Variants in WWOX observed in about 807,000 individuals in gnomAD.
WWOX encodes the protein WW domain containing oxidoreductase, also known as WW domain-containing oxidoreductase.
WWOX carries 69 observed loss-of-function variants against 46.2 expected under a neutral mutation model. The ratio of observed to expected loss-of-function variants is 1.49; its 90% CI spans 1.23 to 1.82. WWOX has a LOEUF of 1.82. WWOX is among the 40% of genes most tolerant of loss of function. The pLI, the probability that WWOX is intolerant of heterozygous loss-of-function variation, is 0.00. For missense variants in WWOX, 919 were observed against 542.6 expected (o/e 1.69, Z -6.89); for synonymous variants, 359 against 202.6 (o/e 1.77, Z -6.56).
At chr16:79,210,027 T>TAAGTTC (rs1181871889) in intron 8 of WWOX, among the ~76,000 whole-genome samples, 7 of 152,286 alleles carry the variant, frequency 4.6e-5, no homozygotes, top group Non-Finnish European at 8.8e-5. Context: ...CAGCTACTAT[T>TAAGTTC]AAGTTCAAGT....
intron 8 of WWOX, among the ~76,000 whole-genome samples, chr16:78,580,255 G>A (rs1009518673): frequency 1.3e-5 from 2 of 151,954 alleles, no homozygotes; most frequent in African/African-American, 2.4e-5. Context: ...TGTATTTTTA[G>A]TAGAGATGGG....
At chr16:78,756,473 G>C (rs2049650051) in intron 8 of WWOX, among the ~76,000 whole-genome samples, 1 of 152,138 alleles carries the variant, frequency 6.6e-6, no homozygotes, top group Admixed American at 6.5e-5. Context: ...TTAGGCAATA[G>C]TTTACCTTAG....
At chr16:79,053,143 A>T (rs567655607) in intron 8 of WWOX, among the ~76,000 whole-genome samples, 2 of 152,194 alleles carry the variant, frequency 1.3e-5, no homozygotes, top group African/African-American at 4.8e-5. Context: ...CATGAACTCA[A>T]CGCTTTTAGG....
intron 8 of WWOX, among the ~76,000 whole-genome samples, chr16:78,993,268 G>T (rs759541848): frequency 1.3e-5 from 2 of 152,024 alleles, no homozygotes; most frequent in East Asian, 3.9e-4. Flanking sequence ...ATTTGGGGGT[G>T]GGGGGAGGTT....
chr16:79,085,345 TATGAGGTTGAAGTGGACAG>T (rs2048835246), intron 8 of WWOX, among the ~76,000 whole-genome samples: 1 of 152,168 alleles, frequency 6.6e-6, no homozygotes, highest in African/African-American at 2.4e-5. Flanking sequence ...AAGAAAATGA[TATGAGGTTGAAGTGGACAG>T]ATGATGCTTT....
At chr16:79,179,385 AC>A (rs1342669314) in intron 8 of WWOX, among the ~76,000 whole-genome samples, 2 of 152,190 alleles carry the variant, frequency 1.3e-5, no homozygotes, top group African/African-American at 4.8e-5. Context: ...TCTTGGGTAC[AC>A]TTTCCACCCT....
intron 8 of WWOX, among the ~76,000 whole-genome samples, chr16:79,144,691 A>T (rs1278546602): frequency 1.3e-5 from 2 of 152,122 alleles, no homozygotes; most frequent in African/African-American, 4.8e-5. Flanking sequence ...TTCTTATATA[A>T]ATTTTATTGA....
Position 78,367,855 on chromosome 16 carries a change from C to G in WWOX, c.517-19005C>G, listed in dbSNP as rs553606456. 5.3e-5 allele frequency among the ~76,000 whole-genome samples: 8 copies of G among 152,144 alleles called. No individual in the cohort carries two copies. The East Asian group carries it at 1.4e-3, about 26-fold the overall frequency. ...CACTGCAACCTCTGCCTCCCGAGTT[C>G]AAGCTATTCTTCTGTCTCAGCCTCC... On this transcript the variant is annotated intron_variant, in intron 5 of 8. Coordinates refer to ENST00000566780, the MANE Select transcript of WWOX (RefSeq NM_016373.4).
chr16:78,982,845 C>T (rs1348844953), intron 8 of WWOX, among the ~76,000 whole-genome samples: 1 of 152,066 alleles, frequency 6.6e-6, no homozygotes, highest in Non-Finnish European at 1.5e-5. Context: ...CCTCTTTATC[C>T]TTCCTGTGAT....
At chr16:78,704,658 T>C (rs9922881) in intron 8 of WWOX, among the ~76,000 whole-genome samples, 2,552 of 152,276 alleles carry the variant, frequency 0.017, 74 homozygotes, top group African/African-American at 0.058. Context: ...AAGGGTATCT[T>C]TACTGTGAAA....
chr16:78,766,108 G>A (rs917136492), intron 8 of WWOX, among the ~76,000 whole-genome samples: 1 of 152,182 alleles, frequency 6.6e-6, no homozygotes, highest in African/African-American at 2.4e-5. Flanking sequence ...TCAGAGGTGT[G>A]GTCACACATA....
chr16:78,952,767 C>T lies in WWOX; in HGVS notation c.1057-258841C>T, dbSNP rs577963075. Reference sequence around the variant, plus strand: ...GCATGTGTTTGTTTCGGTTCCCCAACGTATCCCTACTGCCCAGCAGAAGGC... The same window carrying T: ...GCATGTGTTTGTTTCGGTTCCCCAATGTATCCCTACTGCCCAGCAGAAGGC... On this transcript the variant is annotated intron_variant, in intron 8 of 8. Transcript: ENST00000566780. Among the ~76,000 whole-genome samples the T allele has an allele frequency of 5.9e-5, 9 of 152,244 alleles. No homozygotes were observed. The South Asian group carries it at 8.3e-4, about 14-fold the overall frequency.
At chr16:78,742,618 G>A (rs1045349017) in intron 8 of WWOX, among the ~76,000 whole-genome samples, 6 of 152,184 alleles carry the variant, frequency 3.9e-5, no homozygotes, top group African/African-American at 1.4e-4. Flanking sequence ...TCTCTCTCCA[G>A]CTTTGCCCTG....
chr16:79,032,389 A>T (rs2047781015), intron 8 of WWOX, among the ~76,000 whole-genome samples: 1 of 144,934 alleles, frequency 6.9e-6, no homozygotes. Context: ...TCTATGTAAT[A>T]TATATTAATA....
intron 5 of WWOX, among the ~76,000 whole-genome samples, chr16:78,366,195 C>T (rs1327725231): frequency 6.6e-6 from 1 of 152,202 alleles, no homozygotes; most frequent in African/African-American, 2.4e-5. Flanking sequence ...AAAAAGCTTT[C>T]ATGTTCAAGA....
At chr16:79,000,355 A>G (rs945876953) in intron 8 of WWOX, among the ~76,000 whole-genome samples, 2 of 152,130 alleles carry the variant, frequency 1.3e-5, no homozygotes, top group African/African-American at 4.8e-5. Context: ...GGGAGGTTAC[A>G]TGGCAGATGG....
rs576841503 is a variant in WWOX, at chr16:78,368,691, C to A, written c.517-18169C>A. 4.6e-5 allele frequency among the ~76,000 whole-genome samples: 7 copies of A among 152,284 alleles called. No individual in the cohort carries two copies. In the South Asian group the frequency reaches 1.4e-3, roughly 32 times the overall value. ...TTTGTAAGGTGGTGTCCCCTCCCTT[C>A]CCCTCCCCCCTCTAATGCTGCCTGG... On this transcript the variant is annotated intron_variant, in intron 5 of 8. Transcript: ENST00000566780.
intron 8 of WWOX, among the ~76,000 whole-genome samples, chr16:79,034,514 T>G (rs1432944012): frequency 1.3e-5 from 2 of 152,228 alleles, no homozygotes; most frequent in Admixed American, 6.5e-5. Flanking sequence ...CTTTAGTATT[T>G]TGCCCCCTCA....
chr16:78,433,182 G>GA (rs2083263339), intron 8 of WWOX, among the ~76,000 whole-genome samples: 1 of 152,286 alleles, frequency 6.6e-6, no homozygotes, highest in East Asian at 1.9e-4. Context: ...TTGTTTCACA[G>GA]AAAAACTGTA....
Sources: allele counts gnomAD v4.1 joint callset (sites outside exome capture counted in the v4.1 genomes callset), GRCh38; gene constraint gnomAD v4.1.1; transcripts MANE v1.5; gene names NCBI Gene and HGNC (gene_info 2026-07-23, HGNC 2026-07-21).